Variants in BLTP1 observed in about 807,000 individuals in gnomAD.
BLTP1 encodes fragile site-associated protein.
chr4:122,332,628 G>GC, the BLTP1 span, among the ~76,000 whole-genome samples: 1 of 35,092 alleles, frequency 2.8e-5, no homozygotes, highest in Middle Eastern at 0.026. Context: ...ATAAAAGTTT[G>GC]CTTTTTTTTT....
At chr4:122,344,738 A>G in the BLTP1 span, 2 of 1,280,074 alleles carry the variant, frequency 1.6e-6, no homozygotes, top group Non-Finnish European at 2.0e-6. Context: ...AATAAATGTT[A>G]GGAATATAAT....
the BLTP1 span, among the ~76,000 whole-genome samples, chr4:122,338,334 G>A: frequency 7.2e-5 from 11 of 151,972 alleles, no homozygotes; most frequent in African/African-American, 2.2e-4. Flanking sequence ...TTAGCGAGGC[G>A]TGATTGTATG....
At chr4:122,247,085 C>CT in the BLTP1 span, 1 of 1,483,512 alleles carries the variant, frequency 6.7e-7, no homozygotes, top group Non-Finnish European at 9.2e-7. Context: ...TAAAGGAAAC[C>CT]TTTTAGGTAA....
the BLTP1 span, chr4:122,258,547 CTGAG>C: frequency 1.4e-3 from 819 of 583,636 alleles, 2 homozygotes; most frequent in African/African-American, 0.015. Flanking sequence ...TTTCTTGAAA[CTGAG>C]TGAGAGGATT....
chr4:122,318,517 G>A, the BLTP1 span, among the ~76,000 whole-genome samples: 2 of 152,136 alleles, frequency 1.3e-5, no homozygotes, highest in African/African-American at 4.8e-5. Flanking sequence ...GTCAAACCTA[G>A]GTTGTAGGAC....
chr4:122,231,575 A>C, the BLTP1 span: 1 of 822,684 alleles, frequency 1.2e-6, no homozygotes, highest in Non-Finnish European at 1.5e-6. Flanking sequence ...TTATTTTCAT[A>C]TATGACTTTA....
chr4:122,272,395 A>C, the BLTP1 span: 1 of 1,611,656 alleles, frequency 6.2e-7, no homozygotes, highest in East Asian at 2.2e-5. Flanking sequence ...CTCTTAAGGA[A>C]AAAATGAAAG....
At chr4:122,189,886 C>T in the BLTP1 span, 1 of 1,435,246 alleles carries the variant, frequency 7.0e-7, no homozygotes. Flanking sequence ...TTGTTATGTG[C>T]TTGTTAGTTT....
At chr4:122,359,727 G>C in the BLTP1 span, 1 of 1,604,092 alleles carries the variant, frequency 6.2e-7, no homozygotes, top group Non-Finnish European at 8.5e-7. Context: ...TCTTAGGTAA[G>C]TAATGAGTAT....
chr4:122,247,752 C>G, the BLTP1 span: 12 of 1,010,254 alleles, frequency 1.2e-5, no homozygotes, highest in Non-Finnish European at 1.4e-5. Flanking sequence ...TAATATTAAT[C>G]AAAACCAGAG....
the BLTP1 span, chr4:122,264,233 T>G: frequency 6.4e-7 from 1 of 1,553,512 alleles, no homozygotes; most frequent in Non-Finnish European, 8.7e-7. Flanking sequence ...ATTTTATTCT[T>G]AAAAATTTAC....
the BLTP1 span, chr4:122,313,011 A>T: frequency 2.6e-6 from 1 of 384,798 alleles, no homozygotes; most frequent in Non-Finnish European, 3.6e-6. Flanking sequence ...TTTAATTAAC[A>T]TCTTTTTTGA....
the BLTP1 span, among the ~76,000 whole-genome samples, chr4:122,279,452 C>T: frequency 2.0e-5 from 3 of 152,146 alleles, no homozygotes; most frequent in Non-Finnish European, 4.4e-5. Context: ...TTCGCCCAAA[C>T]TTCACCATAA....
the BLTP1 span, chr4:122,187,372 C>T: frequency 6.3e-7 from 1 of 1,597,534 alleles, no homozygotes; most frequent in Non-Finnish European, 8.5e-7. Flanking sequence ...AGGAAGTGAA[C>T]TATGTCCTCA....
the BLTP1 span, among the ~76,000 whole-genome samples, chr4:122,155,722 T>C: frequency 1.6e-4 from 25 of 152,204 alleles, no homozygotes; most frequent in Non-Finnish European, 3.7e-4. Flanking sequence ...TGAGAAAATT[T>C]TGAGGAACTT....
At chr4:122,152,656 C>T in the BLTP1 span, 51 of 983,804 alleles carry the variant, frequency 5.2e-5, no homozygotes, top group Middle Eastern at 5.2e-4. Flanking sequence ...GGAACTCAAC[C>T]TGGTCGGAGT....
At chr4:122,344,231 C>G in the BLTP1 span, 148 of 859,660 alleles carry the variant, frequency 1.7e-4, no homozygotes, top group Non-Finnish European at 2.2e-4. Flanking sequence ...AATGCTAATG[C>G]TCATTAGATC....
the BLTP1 span, among the ~76,000 whole-genome samples, chr4:122,261,135 G>C: frequency 6.6e-6 from 1 of 152,112 alleles, no homozygotes; most frequent in Non-Finnish European, 1.5e-5. Context: ...TTTATTCTGT[G>C]TAAGTATGGC....
the BLTP1 span, chr4:122,347,681 C>A: frequency 3.7e-6 from 6 of 1,613,720 alleles, no homozygotes; most frequent in African/African-American, 1.3e-5. Context: ...GAGCATATGA[C>A]AAACAGCACC....
Sources: allele counts gnomAD v4.1 joint callset (sites outside exome capture counted in the v4.1 genomes callset), GRCh38; gene constraint gnomAD v4.1.1; transcripts MANE v1.5; gene names NCBI Gene and HGNC (gene_info 2026-07-23, HGNC 2026-07-21).